The following TERB1 variants were observed in gnomAD, a reference collection of about 807,000 sequenced individuals.
TERB1 encodes the protein telomere repeats-binding bouquet formation protein 1.
A neutral mutation model predicts 92.3 loss-of-function variants in TERB1; 63 were observed. The ratio of observed to expected loss-of-function variants is 0.68; its 90% CI spans 0.56 to 0.84. TERB1 has a LOEUF of 0.84. Ranked by LOEUF, TERB1 falls within the 40% of genes least tolerant of loss-of-function variation. TERB1 has a pLI of 0.00. For missense variants in TERB1, 709 were observed against 843.7 expected (o/e 0.84, Z 1.98); for synonymous variants, 252 against 283.9 (o/e 0.89, Z 1.13).
At chr16:66,791,533 C>T (rs1358743458) in intron 3 of TERB1, among the ~76,000 whole-genome samples, 1 of 151,940 alleles carries the variant, frequency 6.6e-6, no homozygotes, top group South Asian at 2.1e-4. Context: ...AGAGGAAGTT[C>T]TTTGAGAAGA....
intron 12 of TERB1, among the ~76,000 whole-genome samples, chr16:66,774,348 G>C (rs1203677954): frequency 6.6e-6 from 1 of 151,508 alleles, no homozygotes; most frequent in African/African-American, 2.4e-5. Context: ...AACACGCCCG[G>C]CTAATTTTTT....
chr16:66,793,990 T>G (rs2018883325), intron 3 of TERB1, among the ~76,000 whole-genome samples: 1 of 152,218 alleles, frequency 6.6e-6, no homozygotes, highest in Non-Finnish European at 1.5e-5. Context: ...TAAGTTTGAC[T>G]ATGGATACCA....
intron 2 of TERB1, among the ~76,000 whole-genome samples, chr16:66,799,085 A>C (rs1959217093): frequency 6.6e-6 from 1 of 152,236 alleles, no homozygotes. Flanking sequence ...ACTAGATTTA[A>C]AAAGATGAAC....
rs1371269191 is a variant in TERB1, at chr16:66,767,513, GA to G, written c.1685-4del. On this transcript the variant is annotated splice_polypyrimidine_tract_variant and splice_region_variant and intron_variant, in intron 15 of 18. Transcript: ENST00000433154. ...ATCTGAACATAATGTAAATGGATCT[GA>G]AAAAAATTGCAAAATGAAGGATTTT... 3.6e-6 allele frequency: 5 copies of G among 1,369,952 alleles called. No homozygotes were observed. Among genetic ancestry groups the G allele is most frequent in the Admixed American group, 2.9e-5 (1 of 34,658 alleles). 84.9% of individuals were successfully genotyped at this position (1,369,952 alleles called of 1,614,324 possible).
At chr16:66,781,664 C>T (rs967420516) in intron 9 of TERB1, among the ~76,000 whole-genome samples, 1 of 151,766 alleles carries the variant, frequency 6.6e-6, no homozygotes, top group Non-Finnish European at 1.5e-5. Flanking sequence ...GGACTACAGG[C>T]GCCCACCACC....
upstream of TERB1, among the ~76,000 whole-genome samples, chr16:66,801,915 T>C (rs1959336462): frequency 6.6e-6 from 1 of 152,212 alleles, no homozygotes; most frequent in Admixed American, 6.5e-5. Context: ...CCACCTGGCA[T>C]CTGTGCTGTG....
At chr16:66,756,620 T>C (rs1193178970) in intron 18 of TERB1, among the ~76,000 whole-genome samples, 1 of 152,222 alleles carries the variant, frequency 6.6e-6, no homozygotes, top group Non-Finnish European at 1.5e-5. Context: ...GCTAAATGAT[T>C]TGAACCCATA....
chr16:66,764,507 A>G (rs2018305482), intron 16 of TERB1, among the ~76,000 whole-genome samples: 6 of 152,222 alleles, frequency 3.9e-5, no homozygotes, highest in Admixed American at 3.9e-4. Flanking sequence ...ACAGAGAAGC[A>G]CTGAGGGTTC....
chr16:66,775,013 T>C (rs1010730878), intron 12 of TERB1, 105 bp downstream of exon 12: 3 of 1,246,572 alleles, frequency 2.4e-6, no homozygotes, highest in Non-Finnish European at 2.2e-6. Flanking sequence ...GCTTTTCAAA[T>C]GTAAGAAGAA....
chr16:66,781,387 A>G (rs1159426087), intron 9 of TERB1, among the ~76,000 whole-genome samples: 2 of 152,076 alleles, frequency 1.3e-5, no homozygotes, highest in African/African-American at 4.8e-5. Context: ...GTGCTTATTT[A>G]ATATTCATAT....
chr16:66,766,828 A>T (rs2018353910), intron 16 of TERB1, among the ~76,000 whole-genome samples: 1 of 152,172 alleles, frequency 6.6e-6, no homozygotes, highest in African/African-American at 2.4e-5. Context: ...GTTTTTAATT[A>T]TAGAGACAAG....
chr16:66,777,109 T>G, intron 11 of TERB1, 94 bp downstream of exon 11: 1 of 1,218,374 alleles, frequency 8.2e-7, no homozygotes, highest in South Asian at 1.7e-5. Context: ...AGCAATACTT[T>G]TAAGACCTTC....
intron 6 of TERB1, among the ~76,000 whole-genome samples, chr16:66,787,891 G>A (rs556240925): frequency 6.6e-6 from 1 of 152,144 alleles, no homozygotes; most frequent in East Asian, 1.9e-4. Flanking sequence ...TGCAACCCCT[G>A]TCTCTACTAA....
intron 16 of TERB1, among the ~76,000 whole-genome samples, chr16:66,766,697 G>A (rs1024894139): frequency 1.3e-5 from 2 of 152,170 alleles, no homozygotes; most frequent in African/African-American, 2.4e-5. Context: ...TAAATTCATA[G>A]ATGGTATTAA....
chr16:66,779,737 G>T (rs1376182261), intron 9 of TERB1, among the ~76,000 whole-genome samples: 1 of 152,122 alleles, frequency 6.6e-6, no homozygotes, highest in Admixed American at 6.6e-5. Flanking sequence ...CCTATTTTCT[G>T]CAATCCAACA....
chr16:66,767,545 T>A, intron 15 of TERB1, 35 bp from the exon 16 acceptor site: 1 of 904,050 alleles, frequency 1.1e-6, no homozygotes, highest in Non-Finnish European at 1.7e-6. Context: ...ATTTTTGGAT[T>A]AATGAAAAGA....
intron 9 of TERB1, among the ~76,000 whole-genome samples, chr16:66,779,631 C>CA (rs199895159): frequency 3.6e-4 from 54 of 151,104 alleles, no homozygotes; most frequent in African/African-American, 7.5e-4. Context: ...AAGAAAAAAA[C>CA]AAAAAAAACA....
intron 6 of TERB1, among the ~76,000 whole-genome samples, chr16:66,787,198 A>C (rs967620517): frequency 6.6e-6 from 1 of 151,586 alleles, no homozygotes; most frequent in African/African-American, 2.4e-5. Context: ...TCCAGAGCTC[A>C]CTCAATTCTC....
chr16:66,790,817 A>C, intron 4 of TERB1, 92 bp downstream of exon 4: 1 of 1,415,764 alleles, frequency 7.1e-7, no homozygotes, highest in African/African-American at 1.4e-5. Flanking sequence ...TATGTAGAAT[A>C]ACTGAATGGA....
Sources: gnomAD v4.1 joint callset for allele counts (sites outside exome capture counted in the v4.1 genomes callset) on GRCh38, gnomAD v4.1.1 for gene constraint, MANE v1.5 for transcripts, NCBI Gene and HGNC (gene_info 2026-07-23, HGNC 2026-07-21) for gene names.